Variants in PPP6R2 observed in about 807,000 individuals in gnomAD.
PPP6R2 encodes protein phosphatase 6 regulatory subunit 2.
PPP6R2 carries 62 observed loss-of-function variants against 100.2 expected under a neutral mutation model. The ratio of observed to expected loss-of-function variants is 0.62; its 90% CI spans 0.50 to 0.76. PPP6R2 has a LOEUF of 0.76. Ranked by LOEUF, PPP6R2 falls within the 30% of genes least tolerant of loss-of-function variation. The pLI is 0.00. For synonymous variants in PPP6R2, 525 were observed against 514.7 expected, an observed-to-expected ratio of 1.02 and a Z score of -0.27; for missense variants, 1,142 against 1,276.3, an observed-to-expected ratio of 0.89 and a Z score of 1.60.
intron 2 of PPP6R2, chr22:50,393,676 G>C: frequency 3.1e-6 from 3 of 972,698 alleles, no homozygotes; most frequent in Non-Finnish European, 3.7e-6. Context: ...ACCTGGAGAG[G>C]TCTGATGGGA....
intron 3 of PPP6R2, among the ~76,000 whole-genome samples, chr22:50,398,803 G>A (rs1462900324): frequency 6.6e-6 from 1 of 152,188 alleles, no homozygotes; most frequent in Admixed American, 6.5e-5. Flanking sequence ...TAAGATTACA[G>A]AAGACACTTT....
chr22:50,439,683 G>T lies in PPP6R2; in HGVS notation c.2129-18G>T, dbSNP rs1310276473. On this transcript the variant is annotated intron_variant, in intron 19 of 23. Transcript: ENST00000612753. ...CCAGGCCTGCCCACGCCTGACCACT[G>T]TGTCTCTCCCCCAGCAGGCGCCATG... 3.2e-6 allele frequency: 5 copies of T among 1,557,508 alleles called. No homozygotes were observed. Among genetic ancestry groups the T allele is most frequent in the Non-Finnish European group, 4.4e-6 (5 of 1,149,192 alleles).
rs908780212 is a variant in PPP6R2 at position 50,343,450 on chromosome 22, C to T, written c.-248C>T. 8 of 151,538 alleles carry T rather than the reference C, an allele frequency of 5.3e-5. No homozygotes were observed. The highest frequency in any genetic ancestry group is 1.2e-4 in the African/African-American group (5 of 41,466). 9.4% of individuals were successfully genotyped at this position (151,538 alleles called of 1,614,324 possible). A position where few individuals can be genotyped will look rare whatever the true frequency, so the allele number is the denominator to read the frequency against. ...CCGGGCCCATGTGTGTGCGGCCCGC[C>T]CGAGGCCGCCCGGGCTTTGCCTCCA... is the stretch of plus-strand genomic sequence containing the variant. On this transcript the variant is annotated 5_prime_UTR_variant, in exon 1 of 24. Transcript: ENST00000612753.
intron 2 of PPP6R2, among the ~76,000 whole-genome samples, chr22:50,386,300 C>G (rs2054247335): frequency 6.6e-6 from 1 of 151,446 alleles, no homozygotes. Flanking sequence ...CGCCACCATA[C>G]CCAGCTAATT....
chr22:50,340,267 GT>G (rs2042357644), upstream of PPP6R2, among the ~76,000 whole-genome samples: 1 of 136,050 alleles, frequency 7.4e-6, no homozygotes, highest in African/African-American at 2.8e-5. Context: ...GGTGTGTGTG[GT>G]GTGTGTGGTA....
At position 50,422,311 on chromosome 22, in the gene PPP6R2, C is replaced by A; in HGVS notation, c.903C>A (p.Ser301Arg). Residue 301 changes from serine to arginine, a missense_variant, in exon 9 of 24, where the codon AGC becomes AGA. Coordinates refer to ENST00000612753, the MANE Select transcript of PPP6R2 (RefSeq NM_001242898.2). ...GACTGGAAAGGTCATACGCTGTCAG[C>A]AGCAGCGTACTACACGGCATCGAGC... ...SQGLERSYAV[S>R]SSVLHGIEPR... The A allele has an allele frequency of 6.2e-7, 1 of 1,614,034 alleles. No individual in the cohort carries two copies. Among genetic ancestry groups the A allele is most frequent in the Non-Finnish European group, 8.5e-7 (1 of 1,179,912 alleles).
In PPP6R2 at chr22:50,381,189, G is replaced by A. The variant is rs543699872; in HGVS notation, c.-17+9039G>A. ...AAACCATTTACGAGGGATCTTCCCC[G>A]ACAACCAGAACCCCTCCTACCAGGC... On this transcript the variant is annotated intron_variant, in intron 2 of 23. Coordinates refer to ENST00000612753, the MANE Select transcript of PPP6R2 (RefSeq NM_001242898.2). Among the ~76,000 whole-genome samples the A allele has an allele frequency of 3.3e-5, 5 of 149,700 alleles. No homozygotes were observed. The East Asian group carries it at 7.9e-4, about 24-fold the overall frequency.
intron 1 of PPP6R2, among the ~76,000 whole-genome samples, chr22:50,361,395 T>C (rs1282191344): frequency 6.6e-6 from 1 of 152,180 alleles, no homozygotes; most frequent in African/African-American, 2.4e-5. Flanking sequence ...AACTGGGGGT[T>C]GGTAGGAAAC....
At chr22:50,404,807 C>T (rs1388763773) in intron 3 of PPP6R2, among the ~76,000 whole-genome samples, 1 of 152,078 alleles carries the variant, frequency 6.6e-6, no homozygotes, top group Admixed American at 6.5e-5. Flanking sequence ...TCAGGACAGG[C>T]CTGTTCTGAG....
chr22:50,352,744 A>AAC (rs2045595459), intron 1 of PPP6R2, among the ~76,000 whole-genome samples: 2 of 131,578 alleles, frequency 1.5e-5, no homozygotes, highest in East Asian at 2.3e-4. Flanking sequence ...CAAAAACAAA[A>AAC]AAAAAAAACA....
intron 2 of PPP6R2, among the ~76,000 whole-genome samples, chr22:50,377,439 C>T (rs1019061340): frequency 2.8e-5 from 4 of 144,462 alleles, no homozygotes; most frequent in African/African-American, 1.1e-4. Flanking sequence ...ACAAGACCCT[C>T]TCTCAATAAT....
chr22:50,337,911 A>ATAGTGTGTGTCGGGG, the PPP6R2 span, among the ~76,000 whole-genome samples: 8 of 61,664 alleles, frequency 1.3e-4, no homozygotes, highest in African/African-American at 5.3e-4. Flanking sequence ...TGTGTGGTGT[A>ATAGTGTGTGTCGGGG]GTGTGTGTGG....
At chr22:50,362,822 C>T (rs1313560270) in intron 1 of PPP6R2, among the ~76,000 whole-genome samples, 1 of 152,192 alleles carries the variant, frequency 6.6e-6, no homozygotes, top group Non-Finnish European at 1.5e-5. Context: ...GCTTTCTCAG[C>T]AACCTAATTG....
intron 2 of PPP6R2, among the ~76,000 whole-genome samples, chr22:50,377,794 G>C (rs952233364): frequency 1.3e-5 from 2 of 151,892 alleles, no homozygotes; most frequent in Admixed American, 6.6e-5. Context: ...GGATCACAAG[G>C]TCAAGAGTTC....
chr22:50,390,486 G>T (rs2055240440), intron 2 of PPP6R2, among the ~76,000 whole-genome samples: 1 of 152,050 alleles, frequency 6.6e-6, no homozygotes, highest in East Asian at 1.9e-4. Context: ...AATGATCAAA[G>T]AATTAATCAT....
At position 50,428,802 on chromosome 22, in the gene PPP6R2, G is replaced by T. The variant is rs147658749; in HGVS notation, c.1126-2371G>T. Among the ~76,000 whole-genome samples, 196 of 152,264 alleles carry T rather than the reference G, an allele frequency of 1.3e-3. 1 individual carries two copies. The highest frequency in any genetic ancestry group is 3.4e-3 in the Middle Eastern group (1 of 294). On this transcript the variant is annotated intron_variant, in intron 10 of 23. Coordinates refer to ENST00000612753, the MANE Select transcript of PPP6R2 (RefSeq NM_001242898.2). The stretch of plus-strand genomic sequence containing the variant: ...TTACTTTTGCCTTTACCATTTGGAT[G>T]CCTTTTATTTCTTTTTCTTGCCTAA...
intron 6 of PPP6R2, 29 bp from the exon 7 acceptor site, chr22:50,418,838 G>A: frequency 1.9e-6 from 3 of 1,559,306 alleles, no homozygotes; most frequent in Non-Finnish European, 1.8e-6. Flanking sequence ...TCCACACTGA[G>A]GGACTCTGTG....
chr22:50,420,859 A>T (rs2061239934), intron 8 of PPP6R2, among the ~76,000 whole-genome samples: 1 of 152,224 alleles, frequency 6.6e-6, no homozygotes, highest in Non-Finnish European at 1.5e-5. Flanking sequence ...TGCCGGCAGG[A>T]ACCTGATGTC....
chr22:50,337,881 GGT>G, the PPP6R2 span, among the ~76,000 whole-genome samples: 9 of 141,716 alleles, frequency 6.4e-5, no homozygotes, highest in African/African-American at 2.4e-4. Flanking sequence ...GTGTATGTGT[GGT>G]GTGTGGTGTG....
Sources: gnomAD v4.1 joint callset for allele counts (sites outside exome capture counted in the v4.1 genomes callset) on GRCh38, gnomAD v4.1.1 for gene constraint, MANE v1.5 for transcripts, NCBI Gene and HGNC (gene_info 2026-07-23, HGNC 2026-07-21) for gene names.